The following ICOS variants were observed in gnomAD, a reference collection of about 807,000 sequenced individuals.
The protein encoded by ICOS is inducible T cell costimulator, also known as inducible T-cell costimulator.
A neutral mutation model predicts 24.6 loss-of-function variants in ICOS; 15 were observed. That is an observed-to-expected ratio of 0.61 (90% CI 0.41 to 0.94). The LOEUF is 0.94. Ranked by LOEUF, ICOS falls within the 40% of genes least tolerant of loss-of-function variation. The pLI, the probability that ICOS is intolerant of heterozygous loss-of-function variation, is 0.00. For missense variants in ICOS, 200 were observed against 233.0 expected (o/e 0.86, Z 0.92); for synonymous variants, 89 against 77.5 (o/e 1.15, Z -0.78).
In ICOS at chr2:203,959,790, C is replaced by A; in HGVS notation, c.*191C>A. The A allele has an allele frequency of 1.5e-6, 1 of 661,108 alleles. No homozygotes were observed. 41.0% of individuals were successfully genotyped at this position (661,108 alleles called of 1,614,324 possible). On this transcript the variant is annotated 3_prime_UTR_variant, in exon 5 of 5. Transcript: ENST00000316386. Reference sequence around the variant, plus strand: ...TTTTAACAGACTGCCTTGGTACTGCCGAGTCCTCTCAAAACAAACACCCTC... The same window carrying A: ...TTTTAACAGACTGCCTTGGTACTGCAGAGTCCTCTCAAAACAAACACCCTC...
intron 1 of ICOS, among the ~76,000 whole-genome samples, chr2:203,941,036 C>CGCCTCCGCCTCT (rs1206982917): frequency 3.3e-5 from 5 of 152,062 alleles, no homozygotes; most frequent in South Asian, 2.1e-4. Flanking sequence ...CGCCCACCTC[C>CGCCTCCGCCTCT]GCCTCCGCCT....
chr2:203,955,848 A>AG lies in ICOS; in HGVS notation c.272dup (p.Ser91ArgfsTer25), dbSNP rs1559035890. The stretch of plus-strand genomic sequence containing the variant: ...CTGCCATTCTCAGTTATCCAACAAC[A>AG]GTGTCTCTTTTTTTCTATACAACTT... On this transcript the variant is annotated frameshift_variant, in exon 2 of 5. Transcript: ENST00000316386. LOFTEE classifies it high-confidence loss of function. 1 of 1,613,794 alleles carries AG rather than the reference A, an allele frequency of 6.2e-7. No homozygotes were observed. Among genetic ancestry groups the AG allele is most frequent in the Non-Finnish European group, 8.5e-7 (1 of 1,179,758 alleles).
rs891437959 is a variant in ICOS at position 203,938,369 on chromosome 2, C to G, written c.58+1497C>G. 2.0e-5 allele frequency among the ~76,000 whole-genome samples: 3 copies of G among 152,062 alleles called. No homozygotes were observed. In the East Asian group the frequency reaches 5.8e-4, roughly 29 times the overall value. On this transcript the variant is annotated intron_variant, in intron 1 of 4. Coordinates refer to ENST00000316386, the MANE Select transcript of ICOS (RefSeq NM_012092.4). ...CCATGGAAGGAACAAGTGCAAAGAG[C>G]CTGTGGCAGGAAGGAATGAGGTAAG... is the stretch of plus-strand genomic sequence containing the variant.
At chr2:203,949,533 T>C (rs1192461894) in intron 1 of ICOS, among the ~76,000 whole-genome samples, 2 of 152,142 alleles carry the variant, frequency 1.3e-5, no homozygotes, top group Non-Finnish European at 2.9e-5. Context: ...AAACAAAAAG[T>C]GTAAAGCTGA....
intron 1 of ICOS, among the ~76,000 whole-genome samples, chr2:203,939,911 G>A (rs1051257283): frequency 2.6e-5 from 4 of 152,144 alleles, no homozygotes; most frequent in Non-Finnish European, 1.5e-5. Context: ...GCCATTCCCA[G>A]TCAGCATAAG....
At chr2:203,947,414 T>C (rs574757588) in intron 1 of ICOS, among the ~76,000 whole-genome samples, 1 of 152,274 alleles carries the variant, frequency 6.6e-6, no homozygotes, top group East Asian at 1.9e-4. Context: ...GTTCAAGCGA[T>C]TCTCCTGCCT....
At chr2:203,941,352 A>T (rs537384889) in intron 1 of ICOS, among the ~76,000 whole-genome samples, 2 of 152,226 alleles carry the variant, frequency 1.3e-5, no homozygotes, top group South Asian at 4.1e-4. Flanking sequence ...TTCAGATGAA[A>T]TGGATATTTC....
intron 1 of ICOS, among the ~76,000 whole-genome samples, chr2:203,938,116 A>G (rs1036355629): frequency 6.6e-6 from 1 of 152,208 alleles, no homozygotes. Context: ...GTAGAGAGAG[A>G]TATATTAATC....
intron 1 of ICOS, among the ~76,000 whole-genome samples, chr2:203,945,197 T>C (rs1689846883): frequency 1.3e-5 from 2 of 152,088 alleles, no homozygotes; most frequent in Admixed American, 1.3e-4. Flanking sequence ...GAGATCAGTA[T>C]TGAGAAGGCC....
chr2:203,937,552 C>T (rs766432166), intron 1 of ICOS, among the ~76,000 whole-genome samples: 5 of 152,068 alleles, frequency 3.3e-5, no homozygotes, highest in South Asian at 2.1e-4. Flanking sequence ...AGTTAATACA[C>T]GTGTTTCTGC....
chr2:203,958,295 C>T (rs1465102218), intron 4 of ICOS, among the ~76,000 whole-genome samples: 1 of 152,118 alleles, frequency 6.6e-6, no homozygotes, highest in South Asian at 2.1e-4. Flanking sequence ...CAGATATATG[C>T]TAATTTTGGA....
At chr2:203,943,963 A>G (rs1177825372) in intron 1 of ICOS, among the ~76,000 whole-genome samples, 3 of 152,114 alleles carry the variant, frequency 2.0e-5, no homozygotes, top group Admixed American at 2.0e-4. Context: ...ATCCCATGCA[A>G]ACGGAAGGGC....
chr2:203,952,944 T>A (rs1280896983), intron 1 of ICOS, among the ~76,000 whole-genome samples: 2 of 152,196 alleles, frequency 1.3e-5, no homozygotes, highest in Admixed American at 6.5e-5. Context: ...TTGTATGAAA[T>A]TTTTTGAGGC....
intron 1 of ICOS, among the ~76,000 whole-genome samples, chr2:203,950,984 T>C (rs1247074691): frequency 6.6e-6 from 1 of 151,590 alleles, no homozygotes; most frequent in Admixed American, 6.6e-5. Context: ...CGCTTGAACC[T>C]AGGAGGCAGA....
chr2:203,957,708 A>G lies in ICOS; in HGVS notation c.502-91A>G, dbSNP rs1364027571. The G allele has an allele frequency of 1.1e-4, 99 of 941,988 alleles. No individual in the cohort carries two copies. The East Asian group carries it at 2.4e-3, about 23-fold the overall frequency. 58.4% of individuals were successfully genotyped at this position (941,988 alleles called of 1,614,324 possible). ...AGTCACATTATCATGTTTTTGTCAC[A>G]TACCACTTCAACAAAGAATAGAAAA... On this transcript the variant is annotated intron_variant, in intron 3 of 4. Transcript: ENST00000316386.
At chr2:203,957,775 C>T in intron 3 of ICOS, 24 bp from the exon 4 acceptor site, 1 of 1,537,668 alleles carries the variant, frequency 6.5e-7, no homozygotes, top group African/African-American at 1.4e-5. Context: ...GATGACCAAG[C>T]ATGTTTCTGG....
chr2:203,952,286 T>C (rs1253630324), intron 1 of ICOS, among the ~76,000 whole-genome samples: 1 of 152,198 alleles, frequency 6.6e-6, no homozygotes, highest in Non-Finnish European at 1.5e-5. Context: ...ACATGTATAC[T>C]TCACTTAGAA....
At chr2:203,939,772 T>C (rs912161214) in intron 1 of ICOS, among the ~76,000 whole-genome samples, 1 of 152,140 alleles carries the variant, frequency 6.6e-6, no homozygotes, top group Non-Finnish European at 1.5e-5. Flanking sequence ...TGACTGACCT[T>C]GGAGCCCCTC....
At chr2:203,944,425 G>C (rs528526741) in intron 1 of ICOS, among the ~76,000 whole-genome samples, 22 of 152,270 alleles carry the variant, frequency 1.4e-4, no homozygotes, top group African/African-American at 5.3e-4. Flanking sequence ...AGCTTCTCCG[G>C]TCAGAGTGTG....
Sources: gnomAD v4.1 joint callset for allele counts (sites outside exome capture counted in the v4.1 genomes callset) on GRCh38, gnomAD v4.1.1 for gene constraint, MANE v1.5 for transcripts, NCBI Gene and HGNC (gene_info 2026-07-23, HGNC 2026-07-21) for gene names.